Variants in RBKS observed in about 807,000 individuals in gnomAD.
RBKS encodes ribokinase.
Under a neutral mutation model 33.9 loss-of-function variants are expected in RBKS, and 33 were observed. The observed-to-expected ratio is 0.97, with a 90% CI of 0.74 to 1.30. The LOEUF is 1.30. Among genes scored for constraint, RBKS ranks in the 50% most tolerant of loss-of-function variants. The pLI, the probability that RBKS is intolerant of heterozygous loss-of-function variation, is 0.00. For synonymous variants in RBKS, 125 were observed against 143.0 expected (o/e 0.87, Z 0.90); for missense variants, 361 against 392.6 (o/e 0.92, Z 0.68).
intron 7 of RBKS, among the ~76,000 whole-genome samples, chr2:27,823,467 A>C (rs1347692800): frequency 2.6e-5 from 4 of 151,554 alleles, no homozygotes; most frequent in Non-Finnish European, 5.9e-5. Context: ...ATAAGGGATT[A>C]GGAGGAAGAG....
intron 7 of RBKS, among the ~76,000 whole-genome samples, chr2:27,783,690 G>A (rs1266315940): frequency 9.2e-5 from 14 of 152,070 alleles, no homozygotes; most frequent in East Asian, 3.9e-4. Flanking sequence ...GGCGGATCAC[G>A]AGGTCAGGAG....
Position 27,890,207 on chromosome 2 carries a change from G to A in RBKS, c.89+50C>T, listed in dbSNP as rs764161169. 5.1e-6 allele frequency: 8 copies of A among 1,565,028 alleles called. No individual in the cohort carries two copies. The East Asian group carries it at 9.0e-5, about 18-fold the overall frequency. Reference sequence around the variant, plus strand: ...AGCTCCACTGGGCGCATAGCGCACGGCACGCCTCCTCCCCCGAGCCGCAGA... The same window carrying A: ...AGCTCCACTGGGCGCATAGCGCACGACACGCCTCCTCCCCCGAGCCGCAGA... On this transcript the variant is annotated intron_variant, in intron 1 of 7. Transcript: ENST00000302188. The surrounding 1 kb of genome is among the most constrained non-coding windows in gnomAD (Gnocchi z 4.8).
intron 7 of RBKS, among the ~76,000 whole-genome samples, chr2:27,801,990 A>AT (rs1558536550): frequency 4.9e-4 from 35 of 70,864 alleles, no homozygotes; most frequent in African/African-American, 2.3e-3. Context: ...ATATATATAT[A>AT]TATTTTTTTT....
intron 1 of RBKS, among the ~76,000 whole-genome samples, chr2:27,872,030 G>C (rs990276154): frequency 6.6e-6 from 1 of 152,166 alleles, no homozygotes; most frequent in Non-Finnish European, 1.5e-5. Flanking sequence ...TGCTACTGCT[G>C]ATCTGACAGG....
At chr2:27,858,687 A>C in intron 1 of RBKS, 116 bp from the exon 2 acceptor site, 1 of 864,594 alleles carries the variant, frequency 1.2e-6, no homozygotes, top group Admixed American at 2.7e-5. Context: ...AACAATTAGA[A>C]CTATAAGCAG....
chr2:27,805,385 G>C (rs1677876782), intron 7 of RBKS, among the ~76,000 whole-genome samples: 1 of 152,088 alleles, frequency 6.6e-6, no homozygotes, highest in Non-Finnish European at 1.5e-5. Flanking sequence ...TGAAGGTCCA[G>C]ACACCCCTGC....
At chr2:27,789,941 G>GTATATGTGTATATATATATA (rs1677483506) in intron 7 of RBKS, among the ~76,000 whole-genome samples, 2 of 96,522 alleles carry the variant, frequency 2.1e-5, no homozygotes, top group Non-Finnish European at 4.1e-5. Context: ...ATATATATAT[G>GTATATGTGTATATATATATA]TATATGTGTA....
chr2:27,842,925 C>T (rs1237413040), intron 5 of RBKS, 142 bp downstream of exon 5: 1 of 588,232 alleles, frequency 1.7e-6, no homozygotes, highest in Admixed American at 4.1e-5. Context: ...TTATCAAGAA[C>T]CACAAGACTG....
At chr2:27,832,809 A>G (rs1678446950) in intron 5 of RBKS, 32 bp from the exon 6 acceptor site, 1 of 1,386,104 alleles carries the variant, frequency 7.2e-7, no homozygotes. Context: ...GGTTATTATT[A>G]GTTTTCATTT....
chr2:27,814,387 C>G (rs529512286), intron 7 of RBKS, among the ~76,000 whole-genome samples: 1 of 151,886 alleles, frequency 6.6e-6, no homozygotes, highest in Non-Finnish European at 1.5e-5. Flanking sequence ...TGATATTATT[C>G]TCTATACTGT....
chr2:27,849,334 G>A lies in RBKS; in HGVS notation c.223-1237C>T, dbSNP rs565321502. Among the ~76,000 whole-genome samples, 5 of 152,064 alleles carry A rather than the reference G, an allele frequency of 3.3e-5. No individual in the cohort carries two copies. The South Asian group carries it at 6.2e-4, about 19-fold the overall frequency. The stretch of plus-strand genomic sequence containing the variant: ...TCCCAACACTTTGGGAGGTCAAGGC[G>A]GATGGATCACCTGAGGTCAGGAGTT... On this transcript the variant is annotated intron_variant, in intron 2 of 7. Transcript: ENST00000302188.
chr2:27,817,285 C>T (rs1194874471), intron 7 of RBKS, among the ~76,000 whole-genome samples: 4 of 152,220 alleles, frequency 2.6e-5, no homozygotes, highest in Admixed American at 2.6e-4. Flanking sequence ...ATCACATTTT[C>T]ACTACCTTTA....
chr2:27,827,614 C>A lies in RBKS; in HGVS notation c.748G>T (p.Glu250Ter). 3 of 1,608,916 alleles carry A rather than the reference C, an allele frequency of 1.9e-6. No individual in the cohort carries two copies. The highest frequency in any genetic ancestry group is 2.5e-6 in the Non-Finnish European group (3 of 1,178,260). Residue 250 changes from glutamate (E) to a stop codon, truncating the protein, a stop_gained, in exon 7 of 8, where the codon GAG (glutamate) becomes TAG (stop). Coordinates refer to ENST00000302188, the MANE Select transcript of RBKS (RefSeq NM_022128.3). LOFTEE classifies it high-confidence loss of function. ...TTCTCTGTGGGAATGTGCTTTGGCT[C>A]AGGTTCTGTCTGTGACAGCACCACA... ...GCVVLSQTEP[E>*]PKHIPTEKVK... is the part of the protein sequence containing the mutation.
rs185834021 is a variant in RBKS at position 27,796,763 on chromosome 2, C to T, written c.796-14975G>A. Among the ~76,000 whole-genome samples, 1,235 of 152,010 alleles carry T rather than the reference C, an allele frequency of 8.1e-3. 16 individuals carry two copies. Among genetic ancestry groups the T allele is most frequent in the African/African-American group, 0.028 (1,165 of 41,458 alleles). On this transcript the variant is annotated intron_variant, in intron 7 of 7. Transcript: ENST00000302188. Reference sequence around the variant, plus strand: ...AGGGGAGAATCTGAGAGGCAGGAGCCCCTGAGGCAGCGCCTGGAGCTGGGT... The same window carrying T: ...AGGGGAGAATCTGAGAGGCAGGAGCTCCTGAGGCAGCGCCTGGAGCTGGGT...
chr2:27,801,506 C>CACA (rs1228017669), intron 7 of RBKS, among the ~76,000 whole-genome samples: 4 of 151,042 alleles, frequency 2.6e-5, no homozygotes, highest in South Asian at 2.1e-4. Context: ...CACACACACA[C>CACA]AAGCGGTCCC....
At position 27,815,346 on chromosome 2, in the gene RBKS, T is replaced by C. The variant is rs143496578; in HGVS notation, c.795+12221A>G. On this transcript the variant is annotated intron_variant, in intron 7 of 7. Coordinates refer to ENST00000302188, the MANE Select transcript of RBKS (RefSeq NM_022128.3). ...CCTCAGCCTCCGAAGTAGTGGGGACTACAGACGTGTGCCACCATGCTGGCT... is the reference window on the plus strand; with the variant it reads ...CCTCAGCCTCCGAAGTAGTGGGGACCACAGACGTGTGCCACCATGCTGGCT... Among the ~76,000 whole-genome samples, 538 of 152,320 alleles carry C rather than the reference T, an allele frequency of 3.5e-3. 1 individual carries two copies. The highest frequency in any genetic ancestry group is 0.012 in the African/African-American group (512 of 41,568).
intron 7 of RBKS, among the ~76,000 whole-genome samples, chr2:27,794,345 AAT>A (rs1476373853): frequency 6.8e-6 from 1 of 146,836 alleles, no homozygotes; most frequent in African/African-American, 2.5e-5. Flanking sequence ...TAATAATAAT[AAT>A]AAAGAAATTT....
chr2:27,856,287 T>C (rs1319084214), intron 2 of RBKS, among the ~76,000 whole-genome samples: 1 of 152,222 alleles, frequency 6.6e-6, no homozygotes, highest in Non-Finnish European at 1.5e-5. Context: ...GTGCTAAGCA[T>C]TAGGTGACTA....
chr2:27,861,388 C>T lies in RBKS; in HGVS notation c.90-2817G>A, dbSNP rs150519339. On this transcript the variant is annotated intron_variant, in intron 1 of 7. Transcript: ENST00000302188. ...TGGCAGGGATGACTGGGCAACTGTC[C>T]GACAATAACAACTCCATATTTTACC... is the stretch of plus-strand genomic sequence containing the variant. 3,008 of 431,356 alleles carry T rather than the reference C, an allele frequency of 7.0e-3. 18 individuals are homozygous for T. The highest frequency in any genetic ancestry group is 0.012 in the Middle Eastern group (35 of 2,874). The allele number at this position is 431,356 out of a possible 1,614,324, so 26.7% of individuals were successfully genotyped here.
Sources: gnomAD v4.1 joint callset for allele counts (sites outside exome capture counted in the v4.1 genomes callset) on GRCh38, gnomAD v4.1.1 for gene constraint, Gnocchi (gnomAD v3.1) non-coding constraint, MANE v1.5 for transcripts, NCBI Gene and HGNC (gene_info 2026-07-23, HGNC 2026-07-21) for gene names.